Variants in ATP1A4 observed in about 807,000 individuals in gnomAD.
The protein encoded by ATP1A4 is sodium/potassium-transporting ATPase subunit alpha-4.
A neutral mutation model predicts 114.3 loss-of-function variants in ATP1A4; 90 were observed. The observed-to-expected ratio is 0.79, with a 90% CI of 0.66 to 0.94. The LOEUF is 0.94. Among genes scored for constraint, ATP1A4 ranks in the 40% least tolerant of loss-of-function variants. The pLI is 0.00. For synonymous variants in ATP1A4, 511 were observed against 494.1 expected (o/e 1.03, Z -0.45); for missense variants, 1,222 against 1,313.6 (o/e 0.93, Z 1.08).
chr1:160,163,422 G>T (rs1396501284), intron 6 of ATP1A4, among the ~76,000 whole-genome samples: 1 of 152,164 alleles, frequency 6.6e-6, no homozygotes, highest in Non-Finnish European at 1.5e-5. Flanking sequence ...ATAAATTGGG[G>T]TTCCCACGAC....
intron 14 of ATP1A4, among the ~76,000 whole-genome samples, 159 bp downstream of exon 14, chr1:160,174,420 A>G (rs899652382): frequency 6.6e-6 from 1 of 152,136 alleles, no homozygotes; most frequent in Non-Finnish European, 1.5e-5. Flanking sequence ...GGCTCCCTGA[A>G]AGTTTAAATA....
rs751667382 is a variant in ATP1A4, at chr1:160,181,719, C to T, written c.2772C>T (p.Cys924=). 30 of 1,614,138 alleles carry T rather than the reference C, an allele frequency of 1.9e-5. No homozygotes were observed. The highest frequency in any genetic ancestry group is 2.5e-5 in the Non-Finnish European group (30 of 1,180,024). The change falls in exon 19 of 22, where the codon TGC becomes TGT. Residue 924 remains cysteine, a synonymous_variant. Transcript: ENST00000368081. ...YEQRKVVEFT[C]QTAFFVTIVV... ...AACGAAAAGTTGTGGAGTTCACATG[C>T]CAAACGGCCTTTTTTGTCACCATCG...
chr1:160,165,573 C>T (rs1346125882), intron 7 of ATP1A4, among the ~76,000 whole-genome samples: 5 of 151,766 alleles, frequency 3.3e-5, no homozygotes, highest in African/African-American at 4.8e-5. Flanking sequence ...TTCTGGCTAA[C>T]ACGGTGAAAC....
chr1:160,159,159 G>C (rs1200950627), intron 5 of ATP1A4, 23 bp downstream of exon 5: 3 of 1,611,208 alleles, frequency 1.9e-6, no homozygotes, highest in Admixed American at 3.3e-5. Context: ...CGAAAGCTAT[G>C]TGAGGGACCC....
At chr1:160,185,374 G>A (rs1207322973) in intron 20 of ATP1A4, among the ~76,000 whole-genome samples, 3 of 151,996 alleles carry the variant, frequency 2.0e-5, no homozygotes, top group Non-Finnish European at 4.4e-5. Flanking sequence ...GCCTCCCAAA[G>A]TGCTGGGATT....
chr1:160,157,510 G>T (rs1159443424), intron 4 of ATP1A4, among the ~76,000 whole-genome samples: 1 of 152,180 alleles, frequency 6.6e-6, no homozygotes. Context: ...ATGCGTTAAA[G>T]GATGTATTGG....
At chr1:160,178,418 T>A (rs1383955568) in intron 18 of ATP1A4, among the ~76,000 whole-genome samples, 2 of 152,012 alleles carry the variant, frequency 1.3e-5, no homozygotes, top group Non-Finnish European at 2.9e-5. Context: ...GACTCACGCC[T>A]GTAATCCCAG....
chr1:160,172,575 T>C (rs1027341401), intron 12 of ATP1A4, among the ~76,000 whole-genome samples: 1 of 152,202 alleles, frequency 6.6e-6, no homozygotes, highest in African/African-American at 2.4e-5. Flanking sequence ...GTGTTCTGTG[T>C]CCCATGTTTC....
chr1:160,181,038 T>G (rs1653681814), intron 18 of ATP1A4, among the ~76,000 whole-genome samples: 1 of 152,144 alleles, frequency 6.6e-6, no homozygotes, highest in East Asian at 1.9e-4. Flanking sequence ...TAACTCCACC[T>G]TCTTCTCTTA....
chr1:160,167,160 G>GT (rs1345590040), intron 9 of ATP1A4, 83 bp downstream of exon 9: 1 of 1,569,630 alleles, frequency 6.4e-7, no homozygotes, highest in African/African-American at 1.4e-5. Flanking sequence ...CTGGAGCTCA[G>GT]TAATTTCCCC....
chr1:160,155,315 C>A, intron 3 of ATP1A4, 67 bp downstream of exon 3: 1 of 1,343,096 alleles, frequency 7.4e-7, no homozygotes, highest in Non-Finnish European at 1.0e-6. Flanking sequence ...TTTTGCTCAG[C>A]AGCCTAGCAC....
chr1:160,177,774 A>G (rs1340775346), intron 18 of ATP1A4, 110 bp downstream of exon 18: 2 of 1,244,082 alleles, frequency 1.6e-6, no homozygotes, highest in African/African-American at 3.0e-5. Context: ...CCACACAAAC[A>G]GAGCTGATGC....
chr1:160,153,029 A>G, intron 1 of ATP1A4, 136 bp from the exon 2 acceptor site: 1 of 686,502 alleles, frequency 1.5e-6, no homozygotes, highest in Non-Finnish European at 2.5e-6. Flanking sequence ...ACTCCATCTC[A>G]AAAAAAGAAT....
intron 6 of ATP1A4, among the ~76,000 whole-genome samples, chr1:160,163,225 T>G (rs1652918984): frequency 2.0e-5 from 3 of 152,142 alleles, no homozygotes. Context: ...GTGTCCAACA[T>G]GTGTAGACAG....
At chr1:160,161,239 C>G (rs1166906737) in intron 6 of ATP1A4, among the ~76,000 whole-genome samples, 1 of 152,184 alleles carries the variant, frequency 6.6e-6, no homozygotes, top group Non-Finnish European at 1.5e-5. Context: ...AGACTTTTAA[C>G]CTTTGCCTTA....
intron 15 of ATP1A4, 57 bp from the exon 16 acceptor site, chr1:160,176,035 T>C: frequency 6.3e-7 from 1 of 1,595,334 alleles, no homozygotes; most frequent in Non-Finnish European, 8.6e-7. Flanking sequence ...CCGGAGCTGG[T>C]TTGAGGGAGG....
chr1:160,157,584 T>G (rs989565776), intron 4 of ATP1A4, among the ~76,000 whole-genome samples: 1 of 152,198 alleles, frequency 6.6e-6, no homozygotes, highest in South Asian at 2.1e-4. Context: ...AATGTGAAAC[T>G]TACTGAAATT....
intron 12 of ATP1A4, among the ~76,000 whole-genome samples, chr1:160,173,110 C>T (rs756187133): frequency 7.1e-4 from 108 of 152,166 alleles, no homozygotes; most frequent in Admixed American, 1.2e-3. Context: ...ACCAGGTATC[C>T]AAAACCAAGC....
chr1:160,178,995 A>G (rs186610701), intron 18 of ATP1A4, among the ~76,000 whole-genome samples: 4 of 152,310 alleles, frequency 2.6e-5, no homozygotes, highest in Admixed American at 2.6e-4. Context: ...GAGGAACCTG[A>G]TCTAGGAAGA....
Sources: gnomAD v4.1 joint callset for allele counts (sites outside exome capture counted in the v4.1 genomes callset) on GRCh38, gnomAD v4.1.1 for gene constraint, MANE v1.5 for transcripts, NCBI Gene and HGNC (gene_info 2026-07-23, HGNC 2026-07-21) for gene names.